STK3: variants seen among roughly 807,000 people sequenced by gnomAD.
STK3 encodes serine/threonine-protein kinase 3.
A neutral mutation model predicts 58.0 loss-of-function variants in STK3; 41 were observed. The observed-to-expected ratio is 0.71, with a 90% CI of 0.55 to 0.92. The LOEUF (loss-of-function observed/expected upper bound fraction) is 0.92, where lower values mean the gene tolerates loss of function less well. Among genes scored for constraint, STK3 ranks in the 40% least tolerant of loss-of-function variants. The pLI is 0.00. For synonymous variants in STK3, 170 were observed against 191.0 expected, an observed-to-expected ratio of 0.89 and a Z score of 0.91; for missense variants, 479 against 602.7, an observed-to-expected ratio of 0.79 and a Z score of 2.15.
intron 4 of STK3, among the ~76,000 whole-genome samples, chr8:98,739,044 C>G (rs577203850): frequency 2.6e-5 from 4 of 152,216 alleles, no homozygotes; most frequent in Non-Finnish European, 5.9e-5. Context: ...GGGGGAGGGG[C>G]GCCCGCCATT....
chr8:98,869,174 A>C (rs1837269321), intron 3 of STK3, among the ~76,000 whole-genome samples: 1 of 152,132 alleles, frequency 6.6e-6, no homozygotes, highest in South Asian at 2.1e-4. Flanking sequence ...TAGTCCCAGC[A>C]CTTTAGGAGG....
intron 6 of STK3, among the ~76,000 whole-genome samples, chr8:98,658,607 T>C (rs1292678679): frequency 6.6e-6 from 1 of 152,030 alleles, no homozygotes; most frequent in East Asian, 1.9e-4. Context: ...TTTGACTCTT[T>C]CTTGCTGACG....
intron 8 of STK3, among the ~76,000 whole-genome samples, chr8:98,550,179 T>C (rs1266906007): frequency 2.6e-5 from 4 of 152,160 alleles, no homozygotes; most frequent in African/African-American, 7.2e-5. Context: ...ACTTGGGTTG[T>C]ATAATATAAC....
At chr8:98,447,593 ATC>A (rs1490234139) in intron 1 of STK3, among the ~76,000 whole-genome samples, 1 of 147,354 alleles carries the variant, frequency 6.8e-6, no homozygotes, top group Non-Finnish European at 1.5e-5. Context: ...TATATATAGT[ATC>A]TATATATTGC....
intron 9 of STK3, among the ~76,000 whole-genome samples, chr8:98,540,300 G>A (rs1006715512): frequency 4.6e-5 from 7 of 152,130 alleles, no homozygotes; most frequent in African/African-American, 1.2e-4. Context: ...TTTAAAAAAC[G>A]TATTTTAAAA....
intron 6 of STK3, among the ~76,000 whole-genome samples, chr8:98,697,436 T>C (rs1357752655): frequency 2.6e-5 from 4 of 152,234 alleles, no homozygotes; most frequent in Admixed American, 2.6e-4. Flanking sequence ...TCTAGTTCTT[T>C]TAACTGTGAT....
At chr8:98,505,659 C>G (rs1406113873) in intron 10 of STK3, among the ~76,000 whole-genome samples, 3 of 152,210 alleles carry the variant, frequency 2.0e-5, no homozygotes, top group Admixed American at 6.5e-5. Flanking sequence ...CCCTCAGCTG[C>G]AGGTCTGTTG....
At chr8:98,939,449 T>C (rs1395905477) in intron 1 of STK3, among the ~76,000 whole-genome samples, 1 of 152,240 alleles carries the variant, frequency 6.6e-6, no homozygotes, top group Non-Finnish European at 1.5e-5. Flanking sequence ...CGAATGCTGT[T>C]GGACCACACT....
chr8:98,647,129 C>T (rs1820462178), intron 6 of STK3, among the ~76,000 whole-genome samples: 1 of 152,098 alleles, frequency 6.6e-6, no homozygotes, highest in South Asian at 2.1e-4. Context: ...TCCCTTCTGC[C>T]TCTCCAAACA....
chr8:98,689,435 T>G (rs1824238663), intron 6 of STK3, among the ~76,000 whole-genome samples: 2 of 151,846 alleles, frequency 1.3e-5, no homozygotes, highest in Admixed American at 6.6e-5. Context: ...AAAAAGAAAA[T>G]TACAGGCCAA....
intron 3 of STK3, among the ~76,000 whole-genome samples, chr8:98,408,295 A>T (rs938181151): frequency 6.6e-5 from 10 of 152,354 alleles, no homozygotes; most frequent in African/African-American, 2.4e-4. Flanking sequence ...ATGAAGTGCC[A>T]TGACAATTAA....
At chr8:98,464,540 T>TAAAAAAAA in intron 10 of STK3, among the ~76,000 whole-genome samples, 324 of 68,732 alleles carry the variant, frequency 4.7e-3, no homozygotes, top group South Asian at 6.1e-3. Flanking sequence ...TACTTAAAGT[T>TAAAAAAAA]AAAAAAAAAA....
intron 10 of STK3, among the ~76,000 whole-genome samples, chr8:98,521,065 C>T (rs1354559729): frequency 6.6e-6 from 1 of 152,204 alleles, no homozygotes; most frequent in African/African-American, 2.4e-5. Context: ...ATTTCCATTC[C>T]GCTCAGTGGC....
intron 3 of STK3, chr8:98,429,203 G>A: frequency 6.2e-7 from 1 of 1,613,984 alleles, no homozygotes; most frequent in Non-Finnish European, 8.5e-7. Flanking sequence ...CCATCACCTT[G>A]ATCTTCAATA....
At chr8:98,379,305 A>G (rs1421308415) in intron 1 of STK3, 1 of 152,248 alleles carries the variant, frequency 6.6e-6, no homozygotes, top group African/African-American at 2.4e-5. Context: ...AAGTGCCCTA[A>G]GTATAGCAGC....
At chr8:98,582,394 T>C (rs1202270170) in intron 7 of STK3, among the ~76,000 whole-genome samples, 1 of 152,070 alleles carries the variant, frequency 6.6e-6, no homozygotes, top group Admixed American at 6.6e-5. Flanking sequence ...TTATATGTAT[T>C]CAAATCATCC....
intron 1 of STK3, among the ~76,000 whole-genome samples, chr8:98,803,548 C>G (rs1363922250): frequency 1.4e-5 from 2 of 145,370 alleles, no homozygotes; most frequent in African/African-American, 5.1e-5. Flanking sequence ...GAGCCAAGAT[C>G]GCGCCACTGC....
chr8:98,661,762 A>T (rs1326917849), intron 6 of STK3, among the ~76,000 whole-genome samples: 1 of 152,170 alleles, frequency 6.6e-6, no homozygotes, highest in Non-Finnish European at 1.5e-5. Flanking sequence ...GTTATTTAGG[A>T]TCCCAGAATA....
intron 10 of STK3, among the ~76,000 whole-genome samples, chr8:98,473,837 G>A (rs1477613284): frequency 6.6e-6 from 1 of 151,960 alleles, no homozygotes; most frequent in African/African-American, 2.4e-5. Context: ...CAGGACTCTG[G>A]GCTTTTACTA....
Sources: allele counts gnomAD v4.1 joint callset (sites outside exome capture counted in the v4.1 genomes callset), GRCh38; gene constraint gnomAD v4.1.1; transcripts MANE v1.5; gene names NCBI Gene and HGNC (gene_info 2026-07-23, HGNC 2026-07-21).